Variants in MYO5B observed in about 807,000 individuals in gnomAD.
The protein encoded by MYO5B is myosin VB.
MYO5B carries 143 observed loss-of-function variants against 229.3 expected under a neutral mutation model. The ratio of observed to expected loss-of-function variants is 0.62; its 90% CI spans 0.54 to 0.72. The LOEUF (loss-of-function observed/expected upper bound fraction) is 0.72, where lower values mean the gene tolerates loss of function less well. Among genes scored for constraint, MYO5B ranks in the 30% least tolerant of loss-of-function variants. The probability of loss-of-function intolerance (pLI) is 0.00; values close to 1 mark genes in which losing one functional copy is unlikely to be tolerated. For missense variants in MYO5B, 2,321 were observed against 2,331.0 expected, an observed-to-expected ratio of 1.00 and a Z score of 0.09; for synonymous variants, 918 against 885.2, an observed-to-expected ratio of 1.04 and a Z score of -0.66.
intron 17 of MYO5B, among the ~76,000 whole-genome samples, chr18:49,928,975 G>A (rs979986167): frequency 6.6e-6 from 1 of 152,116 alleles, no homozygotes; most frequent in Admixed American, 6.5e-5. Context: ...GGGAAAGGGG[G>A]GTGATGGTGA....
intron 27 of MYO5B, among the ~76,000 whole-genome samples, chr18:49,871,329 A>C (rs183141621): frequency 3.3e-5 from 5 of 152,316 alleles, no homozygotes; most frequent in Admixed American, 2.6e-4. Flanking sequence ...TAAAAGATGA[A>C]AAGAGTTATG....
intron 9 of MYO5B, among the ~76,000 whole-genome samples, chr18:49,977,638 A>G (rs1269158425): frequency 2.6e-5 from 4 of 152,144 alleles, no homozygotes; most frequent in East Asian, 3.9e-4. Flanking sequence ...GGCTGGCAGG[A>G]GTGAAGTGGA....
chr18:50,004,980 T>G (rs555170763), intron 4 of MYO5B, among the ~76,000 whole-genome samples: 11 of 152,326 alleles, frequency 7.2e-5, no homozygotes, highest in Admixed American at 2.0e-4. Context: ...GTTAACTTAT[T>G]TGACCTTCAG....
chr18:50,020,137 C>T (rs1336442241), intron 4 of MYO5B, among the ~76,000 whole-genome samples: 2 of 152,214 alleles, frequency 1.3e-5, no homozygotes, highest in South Asian at 2.1e-4. Context: ...CACCCACCCA[C>T]CTTTGCATTG....
intron 4 of MYO5B, among the ~76,000 whole-genome samples, chr18:50,006,655 C>G (rs577417767): frequency 4.6e-5 from 7 of 152,238 alleles, no homozygotes; most frequent in African/African-American, 1.4e-4. Flanking sequence ...CTAACTCCTC[C>G]TAGAAGTTTC....
At chr18:50,129,421 T>C (rs757964931) in intron 1 of MYO5B, among the ~76,000 whole-genome samples, 8 of 152,136 alleles carry the variant, frequency 5.3e-5, no homozygotes, top group Non-Finnish European at 1.0e-4. Flanking sequence ...AAACAGGAAA[T>C]GAACTCCGAT....
chr18:50,128,158 T>C (rs999368080), intron 1 of MYO5B, among the ~76,000 whole-genome samples: 2 of 152,232 alleles, frequency 1.3e-5, no homozygotes, highest in Admixed American at 6.5e-5. Context: ...GTATTTCCTA[T>C]AGTTATCTTT....
intron 1 of MYO5B, among the ~76,000 whole-genome samples, chr18:50,108,565 C>G (rs1349285669): frequency 6.6e-6 from 1 of 152,088 alleles, no homozygotes; most frequent in East Asian, 1.9e-4. Flanking sequence ...AGAAACAGGC[C>G]AAGTTCTCCA....
chr18:49,841,470 G>T lies in MYO5B; in HGVS notation c.4612-16C>A, dbSNP rs200363091. On this transcript the variant is annotated splice_polypyrimidine_tract_variant and intron_variant, in intron 34 of 39. Coordinates refer to ENST00000285039, the MANE Select transcript of MYO5B (RefSeq NM_001080467.3). The stretch of plus-strand genomic sequence containing the variant: ...CATTGTGCTTCTGTGAAAAGAAAAG[G>T]ACATCCTCAGCTCTAAGTGGCTCCC... 1.1e-4 allele frequency: 175 copies of T among 1,610,046 alleles called. No individual in the cohort carries two copies. In the African/African-American group the frequency reaches 2.1e-3, roughly 20 times the overall value.
rs905039752 is a variant in MYO5B, at chr18:49,941,708, C to T, written c.1753-4311G>A. ...CAAACAAATGGAAGAACATTCCATG[C>T]TCATGGGTAGGAAGAATCAATATCG... On this transcript the variant is annotated intron_variant, in intron 14 of 39. Coordinates refer to ENST00000285039, the MANE Select transcript of MYO5B (RefSeq NM_001080467.3). Among the ~76,000 whole-genome samples, 6 of 151,864 alleles carry T rather than the reference C, an allele frequency of 4.0e-5. No homozygotes were observed. The East Asian group carries it at 1.2e-3, about 29-fold the overall frequency.
rs1315531177 is a variant in MYO5B at position 49,931,225 on chromosome 18, A to G, written c.2004-1627T>C. On this transcript the variant is annotated intron_variant, in intron 16 of 39. Transcript: ENST00000285039. The stretch of plus-strand genomic sequence containing the variant: ...GGAAAACAGTGGGCATTTGCCAAGC[A>G]ACTGATGACTGCAAGATGCCACCTC... Among the ~76,000 whole-genome samples, 3 of 152,264 alleles carry G rather than the reference A, an allele frequency of 2.0e-5. No homozygotes were observed. The East Asian group carries it at 5.8e-4, about 29-fold the overall frequency.
intron 1 of MYO5B, among the ~76,000 whole-genome samples, chr18:50,157,126 G>T (rs1396499033): frequency 2.0e-5 from 3 of 151,708 alleles, no homozygotes; most frequent in Non-Finnish European, 4.4e-5. Context: ...GAGGTGGGGG[G>T]ACGGAGTCTC....
chr18:49,921,733 G>A (rs896874286), intron 17 of MYO5B, among the ~76,000 whole-genome samples: 1 of 152,084 alleles, frequency 6.6e-6, no homozygotes, highest in African/African-American at 2.4e-5. Flanking sequence ...CCTCTTCCAG[G>A]GCATCGGTAG....
Position 49,827,763 on chromosome 18 carries a change from G to A in MYO5B, c.5395-1140C>T, listed in dbSNP as rs183004321. 3.8e-3 allele frequency among the ~76,000 whole-genome samples: 584 copies of A among 152,002 alleles called. 2 individuals are homozygous for A. Among genetic ancestry groups the A allele is most frequent in the Middle Eastern group, 6.8e-3 (2 of 294 alleles). ...AGAAGGGGGCAACAAAATATTTGAA[G>A]AAATAATGCCAGAAACTTCCCAAAT... On this transcript the variant is annotated intron_variant, in intron 39 of 39. Transcript: ENST00000285039.
chr18:50,133,380 C>T (rs548639991), intron 1 of MYO5B, among the ~76,000 whole-genome samples: 3 of 152,160 alleles, frequency 2.0e-5, no homozygotes, highest in Non-Finnish European at 4.4e-5. Flanking sequence ...TTAAACGAGG[C>T]TAATGTTTGG....
chr18:49,985,008 T>G (rs1398227060), intron 7 of MYO5B, among the ~76,000 whole-genome samples, 183 bp from the exon 8 acceptor site: 1 of 152,170 alleles, frequency 6.6e-6, no homozygotes, highest in Non-Finnish European at 1.5e-5. Flanking sequence ...AACTGAATAG[T>G]ACAAGAAAAT....
At chr18:49,878,913 G>C in intron 24 of MYO5B, 32 bp downstream of exon 24, 1 of 1,613,740 alleles carries the variant, frequency 6.2e-7, no homozygotes, top group South Asian at 1.1e-5. Flanking sequence ...CCAGGGACCT[G>C]TGCCATGGCA....
chr18:50,144,113 G>C (rs941628157), intron 1 of MYO5B, among the ~76,000 whole-genome samples: 2 of 152,108 alleles, frequency 1.3e-5, no homozygotes, highest in Non-Finnish European at 2.9e-5. Flanking sequence ...AGAGGATCAA[G>C]GTAACCACTT....
At chr18:50,075,174 A>G (rs895139970) in intron 1 of MYO5B, among the ~76,000 whole-genome samples, 1 of 152,186 alleles carries the variant, frequency 6.6e-6, no homozygotes, top group Non-Finnish European at 1.5e-5. Context: ...TTGAGCTAGA[A>G]CAGACCATGG....
Sources: allele counts gnomAD v4.1 joint callset (sites outside exome capture counted in the v4.1 genomes callset), GRCh38; gene constraint gnomAD v4.1.1; transcripts MANE v1.5; gene names NCBI Gene and HGNC (gene_info 2026-07-23, HGNC 2026-07-21).